The following BARX2 variants were observed in gnomAD, a reference collection of about 807,000 sequenced individuals.
BARX2 encodes the protein homeobox protein BarH-like 2.
A neutral mutation model predicts 25.5 loss-of-function variants in BARX2; 11 were observed. The observed-to-expected ratio is 0.43, with a 90% CI of 0.27 to 0.71. The LOEUF (loss-of-function observed/expected upper bound fraction) is 0.71. Among genes scored for constraint, BARX2 ranks in the 30% least tolerant of loss-of-function variants. The probability of loss-of-function intolerance (pLI) is 0.19; values close to 1 mark genes in which losing one functional copy is unlikely to be tolerated. For synonymous variants in BARX2, 137 were observed against 149.5 expected (o/e 0.92, Z 0.61); for missense variants, 360 against 359.9 (o/e 1.00, Z 0.00).
At chr11:129,412,651 C>G (rs552093925) in intron 1 of BARX2, among the ~76,000 whole-genome samples, 3 of 152,294 alleles carry the variant, frequency 2.0e-5, no homozygotes, top group Non-Finnish European at 4.4e-5. Context: ...TCTGGGTCAT[C>G]TGGTCATTGC....
At chr11:129,382,002 G>A (rs962772453) in intron 1 of BARX2, among the ~76,000 whole-genome samples, 7 of 152,164 alleles carry the variant, frequency 4.6e-5, no homozygotes, top group Admixed American at 6.5e-5. Context: ...TCAAGGTTGA[G>A]ATCCAGAGCT....
chr11:129,415,320 C>G (rs1186504058), intron 1 of BARX2, among the ~76,000 whole-genome samples: 1 of 152,304 alleles, frequency 6.6e-6, no homozygotes, highest in Middle Eastern at 3.4e-3. Flanking sequence ...GGCCAGTTCT[C>G]CTCATGGCCC....
intron 1 of BARX2, among the ~76,000 whole-genome samples, chr11:129,424,921 C>T (rs780888641): frequency 4.7e-4 from 72 of 152,170 alleles, no homozygotes; most frequent in Admixed American, 9.8e-4. Context: ...GACATCTTTA[C>T]AATATGGAAC....
At chr11:129,421,071 C>A (rs907883247) in intron 1 of BARX2, among the ~76,000 whole-genome samples, 3 of 152,228 alleles carry the variant, frequency 2.0e-5, no homozygotes, top group African/African-American at 4.8e-5. Context: ...GATTTGGCTC[C>A]GTGCAAGGGA....
intron 1 of BARX2, among the ~76,000 whole-genome samples, chr11:129,417,069 T>C (rs897284993): frequency 1.3e-5 from 2 of 151,832 alleles, no homozygotes; most frequent in African/African-American, 4.8e-5. Flanking sequence ...GCCCGGCTAA[T>C]TTTTTATATT....
intron 3 of BARX2, among the ~76,000 whole-genome samples, chr11:129,447,210 T>C (rs1260929667): frequency 2.0e-5 from 3 of 152,142 alleles, no homozygotes; most frequent in Admixed American, 2.0e-4. Context: ...CTTCCTGCAC[T>C]GACATTCCCT....
At chr11:129,378,563 C>CTTTTTTTTTT (rs56804728) in intron 1 of BARX2, among the ~76,000 whole-genome samples, 130 of 111,114 alleles carry the variant, frequency 1.2e-3, no homozygotes, top group East Asian at 2.3e-3. Context: ...TTTTCTTTTT[C>CTTTTTTTTTT]TTTTTTTTTT....
intron 1 of BARX2, among the ~76,000 whole-genome samples, chr11:129,429,534 A>G (rs866624249): frequency 2.6e-5 from 4 of 152,154 alleles, no homozygotes; most frequent in Admixed American, 1.3e-4. Flanking sequence ...CTAAGGAAAA[A>G]AAACGGAAGT....
intron 1 of BARX2, among the ~76,000 whole-genome samples, chr11:129,412,372 A>G (rs1028177290): frequency 6.6e-6 from 1 of 152,148 alleles, no homozygotes; most frequent in Non-Finnish European, 1.5e-5. Context: ...ATGATTCAGG[A>G]CAGGCAAGAC....
At chr11:129,450,426 A>C (rs1862383558) in intron 3 of BARX2, among the ~76,000 whole-genome samples, 1 of 152,190 alleles carries the variant, frequency 6.6e-6, no homozygotes, top group Admixed American at 6.5e-5. Flanking sequence ...TTATGCTAAG[A>C]ATCTGTTTTT....
chr11:129,398,771 T>A (rs140514990), intron 1 of BARX2, among the ~76,000 whole-genome samples: 169 of 152,364 alleles, frequency 1.1e-3, no homozygotes, highest in African/African-American at 3.7e-3. Context: ...GCTCACTTTG[T>A]GTAGAACACA....
chr11:129,376,022 C>T lies in BARX2; in HGVS notation c.-14C>T, dbSNP rs763615477. The T allele has an allele frequency of 1.4e-6, 2 of 1,472,788 alleles. No individual in the cohort carries two copies. Among genetic ancestry groups the T allele is most frequent in the Admixed American group, 2.3e-5 (1 of 43,612 alleles). The allele number at this position is 1,472,788 out of a possible 1,614,324, so 91.2% of individuals were successfully genotyped here. A position where few individuals can be genotyped will look rare whatever the true frequency, so the allele number is the denominator to read the frequency against. On this transcript the variant is annotated 5_prime_UTR_variant, in exon 1 of 4. Coordinates refer to ENST00000281437, the MANE Select transcript of BARX2 (RefSeq NM_003658.5). This position sits in a 1 kb window ranked among gnomAD's most constrained non-coding sequence, Gnocchi z 4.2. The stretch of plus-strand genomic sequence containing the variant: ...AGCCGCGCTCGGGCCGGCGGACGCT[C>T]GCGCCGGCTCACCATGCACTGCCAC...
At chr11:129,398,614 G>T (rs1469504660) in intron 1 of BARX2, among the ~76,000 whole-genome samples, 1 of 152,212 alleles carries the variant, frequency 6.6e-6, no homozygotes, top group African/African-American at 2.4e-5. Context: ...TGGAATAGTT[G>T]CAACAGGTGA....
At chr11:129,424,815 G>C (rs1050799254) in intron 1 of BARX2, among the ~76,000 whole-genome samples, 1 of 152,196 alleles carries the variant, frequency 6.6e-6, no homozygotes, top group African/African-American at 2.4e-5. Context: ...GTGAATGCCA[G>C]GATGTCAGCT....
intron 3 of BARX2, among the ~76,000 whole-genome samples, chr11:129,445,808 G>A (rs953818629): frequency 8.5e-5 from 13 of 152,150 alleles, no homozygotes; most frequent in African/African-American, 2.7e-4. Context: ...TAGGATCAGC[G>A]CAGAGAGTGG....
chr11:129,451,153 G>C lies in BARX2; in HGVS notation c.591G>C (p.Gln197His). The stretch of plus-strand genomic sequence containing the variant: ...TCACGTAGGTTCTTAAAGGTGGACA[G>C]GAAGCACCCACAAAACCCAAAGGTC... ...KWKKMVLKGG[Q>H]EAPTKPKGRP... Residue 197 changes from glutamine (Q) to histidine (H), a missense_variant, in exon 4 of 4, where the codon CAG (glutamine) becomes CAC (histidine). Physicochemically the swap from Gln to His is conservative, Grantham distance 24. This residue lies in a region of BARX2 where 114 missense variants were observed against 109.4 expected (regional missense o/e 1.04). Coordinates refer to ENST00000281437, the MANE Select transcript of BARX2 (RefSeq NM_003658.5). 1 of 1,614,038 alleles carries C rather than the reference G, an allele frequency of 6.2e-7. No individual in the cohort carries two copies.
At chr11:129,405,720 G>C (rs143990464) in intron 1 of BARX2, among the ~76,000 whole-genome samples, 249 of 152,288 alleles carry the variant, frequency 1.6e-3, no homozygotes, top group African/African-American at 5.6e-3. Context: ...ATGGTTTAAA[G>C]TTTAGAAATT....
At chr11:129,405,037 C>T (rs906044323) in intron 1 of BARX2, among the ~76,000 whole-genome samples, 1 of 152,144 alleles carries the variant, frequency 6.6e-6, no homozygotes, top group African/African-American at 2.4e-5. Context: ...CTTGATCTGA[C>T]TTTTGCATCC....
intron 1 of BARX2, among the ~76,000 whole-genome samples, chr11:129,401,730 C>A (rs183565010): frequency 1.4e-3 from 217 of 152,152 alleles, no homozygotes; most frequent in African/African-American, 5.1e-3. Flanking sequence ...CTGAGGCGGG[C>A]AGATCACTTG....
Sources: allele counts gnomAD v4.1 joint callset (sites outside exome capture counted in the v4.1 genomes callset), GRCh38; gene constraint gnomAD v4.1.1; regional missense constraint gnomAD v4.1.1; non-coding constraint Gnocchi (gnomAD v3.1); transcripts MANE v1.5; gene names NCBI Gene and HGNC (gene_info 2026-07-23, HGNC 2026-07-21).